Variants in VCAN observed in about 807,000 individuals in gnomAD.
The protein encoded by VCAN is versican.
In VCAN, 44 loss-of-function variants were observed where a neutral mutation model predicts 245.5. The observed-to-expected ratio is 0.18, with a 90% CI of 0.14 to 0.23. VCAN has a LOEUF of 0.23. VCAN is among the 10% of genes least tolerant of loss of function. The pLI, the probability that VCAN is intolerant of heterozygous loss-of-function variation, is 1.00. For synonymous variants in VCAN, 1,413 were observed against 1,437.0 expected, an observed-to-expected ratio of 0.98 and a Z score of 0.38; for missense variants, 3,793 against 4,057.9, an observed-to-expected ratio of 0.93 and a Z score of 1.77.
rs138857370 is a variant in VCAN at position 83,540,180 on chromosome 5, G to A, written c.7177G>A (p.Glu2393Lys). Residue 2393 changes from glutamate to lysine, a missense_variant, in exon 8 of 15, where the codon GAA becomes AAA. This residue lies in a region of VCAN where 3,182 missense variants were observed against 3,250.3 expected (regional missense o/e 0.98). Coordinates refer to ENST00000265077, the MANE Select transcript of VCAN (RefSeq NM_004385.5). ...NKNSSTAEINETTTSSTDFLA... is the reference protein window; with the variant it reads ...NKNSSTAEINKTTTSSTDFLA... The stretch of plus-strand genomic sequence containing the variant: ...GAATTCTTCAACAGCAGAAATTAAC[G>A]AAACAACAACCTCATCTACTGATTT... 178 of 1,613,880 alleles carry A rather than the reference G, an allele frequency of 1.1e-4. No individual in the cohort carries two copies. The highest frequency in any genetic ancestry group is 1.4e-4 in the Non-Finnish European group (163 of 1,179,984).
intron 13 of VCAN, among the ~76,000 whole-genome samples, chr5:83,577,066 A>G (rs940748214): frequency 6.6e-6 from 1 of 151,972 alleles, no homozygotes; most frequent in Non-Finnish European, 1.5e-5. Flanking sequence ...AGAATCCTTA[A>G]TTTTATTTAT....
chr5:83,482,414 C>T (rs962349323), intron 1 of VCAN, among the ~76,000 whole-genome samples: 5 of 152,094 alleles, frequency 3.3e-5, no homozygotes, highest in African/African-American at 1.2e-4. Flanking sequence ...GGAATGGTAC[C>T]TCTATAATTG....
intron 12 of VCAN, among the ~76,000 whole-genome samples, chr5:83,557,089 C>T (rs12520543): frequency 0.39 from 58,677 of 151,848 alleles, 11,552 homozygotes; most frequent in Admixed American, 0.44. Flanking sequence ...CAGATGCAGC[C>T]CATGACTTAT....
At chr5:83,549,722 T>G (rs1747387445) in intron 10 of VCAN, among the ~76,000 whole-genome samples, 1 of 152,136 alleles carries the variant, frequency 6.6e-6, no homozygotes. Flanking sequence ...TTCAGGTACT[T>G]TTTATTGTAT....
At position 83,493,526 on chromosome 5, in the gene VCAN, G is replaced by A; in HGVS notation, c.446-20G>A. 1 of 1,612,758 alleles carries A rather than the reference G, an allele frequency of 6.2e-7. No homozygotes were observed. Among genetic ancestry groups the A allele is most frequent in the Non-Finnish European group, 8.5e-7 (1 of 1,180,004 alleles). ...GGGAGATTTGAACAGGCTGGCAATTGTTTGCTGTTGTTTTTGCAGGGGTTG... is the reference window on the plus strand; with the variant it reads ...GGGAGATTTGAACAGGCTGGCAATTATTTGCTGTTGTTTTTGCAGGGGTTG... On this transcript the variant is annotated intron_variant, in intron 3 of 14. Transcript: ENST00000265077.
At chr5:83,514,493 C>T (rs1449738796) in intron 6 of VCAN, among the ~76,000 whole-genome samples, 1 of 150,276 alleles carries the variant, frequency 6.7e-6, no homozygotes, top group African/African-American at 2.5e-5. Context: ...TCTTGTTGCC[C>T]AGGCTGGAGT....
intron 1 of VCAN, among the ~76,000 whole-genome samples, chr5:83,474,779 C>T (rs940352927): frequency 5.3e-5 from 8 of 152,248 alleles, no homozygotes; most frequent in African/African-American, 1.9e-4. Flanking sequence ...GATTCGGGGC[C>T]GGCTGCTTCT....
At chr5:83,498,959 A>C (rs1580609256) in intron 5 of VCAN, among the ~76,000 whole-genome samples, 1 of 152,272 alleles carries the variant, frequency 6.6e-6, no homozygotes, top group East Asian at 1.9e-4. Context: ...GCTCTACTGC[A>C]ATCTATTCAC....
At chr5:83,547,839 A>G in intron 9 of VCAN, 132 bp from the exon 10 acceptor site, 1 of 743,872 alleles carries the variant, frequency 1.3e-6, no homozygotes, top group African/African-American at 1.7e-5. Context: ...ATGCTAACAA[A>G]TTATACTTTT....
chr5:83,540,051 C>T lies in VCAN; in HGVS notation c.7048C>T (p.Pro2350Ser), dbSNP rs1385716182. Residue 2350 changes from proline to serine, a missense_variant, in exon 8 of 15, where the codon CCT becomes TCT. Around this residue, in one of 5 missense-constraint regions of VCAN, gnomAD observed 3,182 missense variants for 3,250.3 expected, o/e 0.98. Coordinates refer to ENST00000265077, the MANE Select transcript of VCAN (RefSeq NM_004385.5). Reference protein sequence around the residue: ...GAEGPTVAPLPFSTDIGHPQN... With the variant: ...GAEGPTVAPLSFSTDIGHPQN... The stretch of plus-strand genomic sequence containing the variant: ...AGAAGGACCCACGGTGGCACCTCTC[C>T]CTTTCTCCACGGACATCGGACATCC... 1.9e-6 allele frequency: 3 copies of T among 1,613,942 alleles called. No homozygotes were observed. The Admixed American group carries it at 5.0e-5, about 27-fold the overall frequency.
At chr5:83,531,853 T>TA (rs927117014) in intron 7 of VCAN, among the ~76,000 whole-genome samples, 1 of 151,182 alleles carries the variant, frequency 6.6e-6, no homozygotes, top group Non-Finnish European at 1.5e-5. Context: ...GAAATGTCAT[T>TA]AAAAAAAGCC....
rs1470774810 is a variant in VCAN, at chr5:83,537,880, A to C, written c.4877A>C (p.Gln1626Pro). Residue 1626 changes from glutamine (Q) to proline (P), a missense_variant, in exon 8 of 15, where the codon CAA becomes CCA. Coordinates refer to ENST00000265077, the MANE Select transcript of VCAN (RefSeq NM_004385.5). ...AGCTGGGTAGAAGCAACTCCTAGAC[A>C]AGTTGTAGAGCTCTCAGGGAGTTCT... ...KESWVEATPR[Q>P]VVELSGSSSI... The C allele has an allele frequency of 1.4e-5, 23 of 1,613,868 alleles. No individual in the cohort carries two copies. In the Admixed American group the frequency reaches 3.8e-4, roughly 27 times the overall value.
rs895723809 is a variant in VCAN at position 83,538,003 on chromosome 5, C to A, written c.5000C>A (p.Thr1667Lys). The A allele has an allele frequency of 6.8e-6, 11 of 1,613,948 alleles. No homozygotes were observed. Among genetic ancestry groups the A allele is most frequent in the Non-Finnish European group, 9.3e-6 (11 of 1,179,962 alleles). ...TDLSQRNTTD[T>K]LITLDTSRII... ...TTATCACAGAGAAATACTACTGATA[C>A]ACTCATTACTTTAGACACTAGCAGG... Residue 1667 changes from threonine to lysine, a missense_variant, in exon 8 of 15, where the codon ACA (threonine) becomes AAA (lysine). By Grantham distance (78) the Thr-to-Lys change is moderately conservative. This residue lies in a region of VCAN where 3,182 missense variants were observed against 3,250.3 expected (regional missense o/e 0.98). Transcript: ENST00000265077.
Position 83,537,876 on chromosome 5 carries a change from A to G in VCAN, c.4873A>G (p.Arg1625Gly). Residue 1625 changes from arginine (R) to glycine (G), a missense_variant, in exon 8 of 15, where the codon AGA (arginine) becomes GGA (glycine). By Grantham distance (125) the Arg-to-Gly change is moderately radical. This residue lies in a region of VCAN where 3,182 missense variants were observed against 3,250.3 expected (regional missense o/e 0.98). Transcript: ENST00000265077. ...TKESWVEATP[R>G]QVVELSGSSS... The stretch of plus-strand genomic sequence containing the variant: ...AGAAAGCTGGGTAGAAGCAACTCCT[A>G]GACAAGTTGTAGAGCTCTCAGGGAG... The G allele has an allele frequency of 3.7e-6, 6 of 1,614,028 alleles. No individual in the cohort carries two copies. Among genetic ancestry groups the G allele is most frequent in the Non-Finnish European group, 5.1e-6 (6 of 1,179,976 alleles).
chr5:83,492,864 A>G (rs951481980), intron 3 of VCAN, among the ~76,000 whole-genome samples: 6 of 152,210 alleles, frequency 3.9e-5, no homozygotes, highest in African/African-American at 1.4e-4. Flanking sequence ...TCCTTTACCT[A>G]ATTTGACCTT....
chr5:83,537,963 A>G lies in VCAN; in HGVS notation c.4960A>G (p.Thr1654Ala), dbSNP rs1746792487. The change falls in exon 8 of 15, where the codon ACC (threonine) becomes GCC (alanine). Residue 1654 changes from threonine to alanine, a missense_variant. By Grantham distance (58) the Thr-to-Ala change is moderately conservative (BLOSUM62 0). Transcript: ENST00000265077. ...EAEEDEDTMF[T>A]MVTDLSQRNT... ...AGAAGAAGATGAAGATACAATGTTC[A>G]CCATGGTAACTGATTTATCACAGAG... 6.2e-7 allele frequency: 1 copy of G among 1,613,794 alleles called. No individual in the cohort carries two copies. The highest frequency in any genetic ancestry group is 1.1e-5 in the South Asian group (1 of 91,082).
intron 7 of VCAN, among the ~76,000 whole-genome samples, chr5:83,532,775 T>C (rs1030599933): frequency 6.6e-6 from 1 of 152,120 alleles, no homozygotes; most frequent in African/African-American, 2.4e-5. Flanking sequence ...ATAATAATAG[T>C]TGCTTAATTG....
rs60282512 is a variant in VCAN, at chr5:83,505,008, A to C, written c.749-7095A>C. Among the ~76,000 whole-genome samples, 525 of 152,216 alleles carry C rather than the reference A, an allele frequency of 3.4e-3. 1 individual carries two copies. Among genetic ancestry groups the C allele is most frequent in the Middle Eastern group, 0.027 (8 of 294 alleles). The stretch of plus-strand genomic sequence containing the variant: ...ATGAGACTTATTAACTATTATGAGA[A>C]TAGCATGGGGAAGACCAACCCCCAT... On this transcript the variant is annotated intron_variant, in intron 5 of 14. Transcript: ENST00000265077.
At position 83,554,719 on chromosome 5, in the gene VCAN, A is replaced by G. The variant is rs148968114; in HGVS notation, c.9653-237A>G. Reference sequence around the variant, plus strand: ...ATTATAGTAAATTGCTAGGGGAATTATTGTCTATGTCTTGATATTTTAATG... The same window carrying G: ...ATTATAGTAAATTGCTAGGGGAATTGTTGTCTATGTCTTGATATTTTAATG... On this transcript the variant is annotated intron_variant, in intron 11 of 14. Transcript: ENST00000265077. Among the ~76,000 whole-genome samples the G allele has an allele frequency of 7.6e-3, 1,156 of 152,272 alleles. 7 individuals carry two copies. The highest frequency in any genetic ancestry group is 0.011 in the Non-Finnish European group (781 of 68,018).
Sources: gnomAD v4.1 joint callset for allele counts (sites outside exome capture counted in the v4.1 genomes callset) on GRCh38, gnomAD v4.1.1 for gene constraint, gnomAD v4.1.1 regional missense constraint, MANE v1.5 for transcripts, NCBI Gene and HGNC (gene_info 2026-07-23, HGNC 2026-07-21) for gene names.